The following CD72 variants were observed in gnomAD, a reference collection of about 807,000 sequenced individuals.
CD72 encodes CD72 molecule.
A neutral mutation model predicts 50.7 loss-of-function variants in CD72; 28 were observed. The observed-to-expected ratio is 0.55, with a 90% CI of 0.41 to 0.76. CD72 has a LOEUF of 0.76. Ranked by LOEUF, CD72 falls within the 30% of genes least tolerant of loss-of-function variation. The pLI, the probability that CD72 is intolerant of heterozygous loss-of-function variation, is 0.00. For synonymous variants in CD72, 176 were observed against 171.2 expected (o/e 1.03, Z -0.22); for missense variants, 403 against 420.6 (o/e 0.96, Z 0.37).
chr9:35,627,039 T>C (rs1563898310), intron 1 of CD72, among the ~76,000 whole-genome samples: 1 of 152,180 alleles, frequency 6.6e-6, no homozygotes, highest in African/African-American at 2.4e-5. Flanking sequence ...GGGATTTCAC[T>C]GTGTTAGCCA....
intron 2 of CD72, 133 bp downstream of exon 2, chr9:35,617,881 T>A: frequency 1.4e-6 from 1 of 707,618 alleles, no homozygotes; most frequent in East Asian, 2.5e-5. Flanking sequence ...CAGTGAGCCA[T>A]GATCACACCA....
chr9:35,628,332 C>G (rs1823214770), intron 1 of CD72, among the ~76,000 whole-genome samples: 2 of 152,220 alleles, frequency 1.3e-5, no homozygotes, highest in Non-Finnish European at 2.9e-5. Flanking sequence ...GTGGCTCACG[C>G]CTGTAATCCC....
intron 1 of CD72, among the ~76,000 whole-genome samples, chr9:35,637,642 G>A (rs932784510): frequency 6.6e-6 from 1 of 152,112 alleles, no homozygotes; most frequent in Non-Finnish European, 1.5e-5. Context: ...CCAAAACTCC[G>A]GCGCTGGTCA....
At chr9:35,610,393 A>G (rs536572733) in intron 8 of CD72, 93 bp from the exon 9 acceptor site, 97 of 467,088 alleles carry the variant, frequency 2.1e-4, no homozygotes, top group Non-Finnish European at 1.8e-4. Context: ...CGACAGCCAC[A>G]CCACCAGCCT....
chr9:35,622,153 C>T (rs188470673), upstream of CD72, among the ~76,000 whole-genome samples: 1 of 152,278 alleles, frequency 6.6e-6, no homozygotes, highest in East Asian at 1.9e-4. Context: ...TGACCTCAAT[C>T]AAGAGTATGA....
At chr9:35,641,030 T>C (rs1373158714) in intron 1 of CD72, among the ~76,000 whole-genome samples, 1 of 152,208 alleles carries the variant, frequency 6.6e-6, no homozygotes, top group African/African-American at 2.4e-5. Context: ...CGCTTAGGGA[T>C]TCTTAGTCGG....
chr9:35,610,579 T>G, intron 8 of CD72, 23 bp downstream of exon 8: 1 of 1,595,334 alleles, frequency 6.3e-7, no homozygotes, highest in Non-Finnish European at 8.6e-7. Flanking sequence ...TCCCCATGCC[T>G]CAGCCCCATC....
intron 1 of CD72, among the ~76,000 whole-genome samples, chr9:35,630,577 A>G (rs1389982753): frequency 6.6e-6 from 1 of 152,150 alleles, no homozygotes. Flanking sequence ...AACTTTATTC[A>G]TATGAATACT....
At position 35,616,043 on chromosome 9, in the gene CD72, C is replaced by T. The variant is rs376565823; in HGVS notation, c.588G>A (p.Lys196=). 5 of 1,614,038 alleles carry T rather than the reference C, an allele frequency of 3.1e-6. No homozygotes were observed. Among genetic ancestry groups the T allele is most frequent in the African/African-American group, 1.3e-5 (1 of 74,912 alleles). Residue 196 remains lysine, a synonymous_variant, in exon 5 of 9, where the codon AAG becomes AAA. Transcript: ENST00000259633. ...GTTGCTCCTCACTTTGCAAGGTCTC[C>T]TTCGTCTTCTGTCTGTCTGCCTGGC... ...QACQADRQKT[K]ETLQSEEQQR...
chr9:35,627,453 G>C (rs1823206743), intron 1 of CD72, among the ~76,000 whole-genome samples: 2 of 107,696 alleles, frequency 1.9e-5, no homozygotes, highest in Non-Finnish European at 4.5e-5. Context: ...ATATGCATTG[G>C]GAAACAAAAA....
chr9:35,645,440 G>A (rs1823382632), intron 1 of CD72, among the ~76,000 whole-genome samples: 1 of 151,818 alleles, frequency 6.6e-6, no homozygotes, highest in African/African-American at 2.4e-5. Flanking sequence ...AAATTAGCAG[G>A]GCATGGTGGT....
intron 2 of CD72, among the ~76,000 whole-genome samples, chr9:35,617,691 C>T (rs1447828782): frequency 6.6e-6 from 1 of 152,162 alleles, no homozygotes; most frequent in African/African-American, 2.4e-5. Context: ...TTCTTCCTCC[C>T]CTGGCTCCCA....
chr9:35,615,664 A>G (rs1823052618), intron 5 of CD72, among the ~76,000 whole-genome samples: 1 of 151,540 alleles, frequency 6.6e-6, no homozygotes, highest in Admixed American at 6.6e-5. Context: ...CACTGATATC[A>G]ACCGGAAGAA....
intron 1 of CD72, among the ~76,000 whole-genome samples, chr9:35,633,117 T>C (rs1317256397): frequency 1.3e-5 from 2 of 151,112 alleles, no homozygotes; most frequent in Admixed American, 6.6e-5. Context: ...TTTTTTTTTT[T>C]TTTCTTCAGA....
At position 35,610,001 on chromosome 9, in the gene CD72, T is replaced by G; in HGVS notation, c.*322A>C. The G allele has an allele frequency of 2.3e-6, 1 of 433,052 alleles. No homozygotes were observed. The highest frequency in any genetic ancestry group is 4.1e-6 in the Non-Finnish European group (1 of 246,180). 26.8% of individuals were successfully genotyped at this position (433,052 alleles called of 1,614,324 possible). A position where few individuals can be genotyped will look rare whatever the true frequency, so the allele number is the denominator to read the frequency against. On this transcript the variant is annotated 3_prime_UTR_variant, in exon 9 of 9. Transcript: ENST00000259633. ...GTGCAATTATTTAAAAAGATTTCAATAAAACTGCCTGGCTGGCTCCGGGCC... is the reference window on the plus strand; with the variant it reads ...GTGCAATTATTTAAAAAGATTTCAAGAAAACTGCCTGGCTGGCTCCGGGCC...
At chr9:35,616,415 C>G (rs1393687250) in intron 4 of CD72, 137 bp from the exon 5 acceptor site, 2 of 847,290 alleles carry the variant, frequency 2.4e-6, no homozygotes, top group Admixed American at 2.2e-5. Flanking sequence ...CTGACTAAAG[C>G]GTAAGGAGGT....
At chr9:35,611,575 T>C (rs971813443) in intron 7 of CD72, among the ~76,000 whole-genome samples, 2 of 152,148 alleles carry the variant, frequency 1.3e-5, no homozygotes, top group African/African-American at 4.8e-5. Context: ...AACCTAGTAG[T>C]TACTGAAACA....
intron 1 of CD72, among the ~76,000 whole-genome samples, chr9:35,645,340 C>G (rs1823381435): frequency 6.6e-6 from 1 of 152,216 alleles, no homozygotes; most frequent in Admixed American, 6.5e-5. Flanking sequence ...TGGCTCACGC[C>G]TGTAATCCCA....
At chr9:35,614,867 T>C (rs773441713) in intron 5 of CD72, among the ~76,000 whole-genome samples, 1 of 151,994 alleles carries the variant, frequency 6.6e-6, no homozygotes, top group African/African-American at 2.4e-5. Flanking sequence ...GTTGAAGTGA[T>C]GGGCTCCAAA....
Sources: allele counts gnomAD v4.1 joint callset (sites outside exome capture counted in the v4.1 genomes callset), GRCh38; gene constraint gnomAD v4.1.1; transcripts MANE v1.5; gene names NCBI Gene and HGNC (gene_info 2026-07-23, HGNC 2026-07-21).